The following CSMD1 variants were observed in gnomAD, a reference collection of about 807,000 sequenced individuals.
The protein encoded by CSMD1 is CUB and Sushi multiple domains 1, also known as CUB and sushi domain-containing protein 1.
CSMD1 carries 213 observed loss-of-function variants against 417.5 expected under a neutral mutation model. The observed-to-expected ratio is 0.51, with a 90% CI of 0.46 to 0.57. The LOEUF is 0.57. Ranked by LOEUF, CSMD1 falls within the 20% of genes least tolerant of loss-of-function variation. CSMD1 has a pLI of 0.00. For synonymous variants in CSMD1, 2,862 were observed against 1,736.8 expected (o/e 1.65, Z -16.11); for missense variants, 6,923 against 4,529.7 (o/e 1.53, Z -15.17).
chr8:3,850,056 A>T (rs1485452403), intron 5 of CSMD1, among the ~76,000 whole-genome samples: 1 of 152,164 alleles, frequency 6.6e-6, no homozygotes, highest in Non-Finnish European at 1.5e-5. Context: ...TCAGCCTCTC[A>T]AAGTGTTGGG....
intron 29 of CSMD1, among the ~76,000 whole-genome samples, chr8:3,217,227 C>T (rs567220423): frequency 2.0e-5 from 3 of 152,306 alleles, no homozygotes; most frequent in South Asian, 4.1e-4. Context: ...AGGCTGCATG[C>T]AATGGCATCA....
In CSMD1 at chr8:3,897,194, C is replaced by T. The variant is rs530865353; in HGVS notation, c.818+100709G>A. On this transcript the variant is annotated intron_variant, in intron 5 of 69. Transcript: ENST00000635120. ...ACAAGGGTTAGTAGCACAATGGTGT[C>T]AAGAAGTTATCAAAACAAAGGAGTG... Among the ~76,000 whole-genome samples, 64 of 152,214 alleles carry T rather than the reference C, an allele frequency of 4.2e-4. 1 individual carries two copies. The highest frequency in any genetic ancestry group is 7.6e-4 in the Non-Finnish European group (52 of 68,004).
At chr8:3,342,982 T>C (rs977253385) in intron 23 of CSMD1, among the ~76,000 whole-genome samples, 6 of 152,120 alleles carry the variant, frequency 3.9e-5, no homozygotes, top group East Asian at 3.9e-4. Flanking sequence ...TATAAGCACA[T>C]GAATTTGTAT....
At position 3,957,391 on chromosome 8, in the gene CSMD1, T is replaced by G. The variant is rs1346514572; in HGVS notation, c.818+40512A>C. On this transcript the variant is annotated intron_variant, in intron 5 of 69. Coordinates refer to ENST00000635120, the MANE Select transcript of CSMD1 (RefSeq NM_033225.6). ...GGCAGGTGTTAAGCATAAAAATATATGTCAGTCTGGGAGCAGTGGCTCCCA... is the reference window on the plus strand; with the variant it reads ...GGCAGGTGTTAAGCATAAAAATATAGGTCAGTCTGGGAGCAGTGGCTCCCA... 2.0e-5 allele frequency among the ~76,000 whole-genome samples: 3 copies of G among 152,174 alleles called. No homozygotes were observed. The East Asian group carries it at 5.8e-4, about 29-fold the overall frequency.
chr8:3,371,501 C>T (rs1809945173), intron 18 of CSMD1, among the ~76,000 whole-genome samples: 1 of 150,880 alleles, frequency 6.6e-6, no homozygotes, highest in Non-Finnish European at 1.5e-5. Context: ...AACATGCCCA[C>T]ATTCTGTGCA....
intron 2 of CSMD1, among the ~76,000 whole-genome samples, chr8:4,554,293 T>A (rs1797997705): frequency 6.6e-6 from 1 of 152,106 alleles, no homozygotes; most frequent in African/African-American, 2.4e-5. Context: ...TGCGTCACGA[T>A]GCCCGGCTAA....
At chr8:3,912,715 G>T (rs762887578) in intron 5 of CSMD1, among the ~76,000 whole-genome samples, 1 of 152,182 alleles carries the variant, frequency 6.6e-6, no homozygotes, top group Admixed American at 6.5e-5. Context: ...CTGATGGGAT[G>T]AAATGTCCAA....
At chr8:3,169,620 G>A (rs1820455611) in intron 37 of CSMD1, among the ~76,000 whole-genome samples, 2 of 152,226 alleles carry the variant, frequency 1.3e-5, no homozygotes, top group Middle Eastern at 3.4e-3. Flanking sequence ...TAATACCACT[G>A]AACTGTACGC....
chr8:4,376,891 T>G (rs138965510), intron 3 of CSMD1, among the ~76,000 whole-genome samples: 1 of 152,316 alleles, frequency 6.6e-6, no homozygotes, highest in African/African-American at 2.4e-5. Flanking sequence ...GACTTGGATT[T>G]TGTATTTTGG....
intron 1 of CSMD1, among the ~76,000 whole-genome samples, chr8:4,707,475 T>C (rs991762935): frequency 6.6e-6 from 1 of 152,072 alleles, no homozygotes; most frequent in African/African-American, 2.4e-5. Flanking sequence ...ACGCCTGAAT[T>C]TTTAGAGGAT....
intron 32 of CSMD1, among the ~76,000 whole-genome samples, chr8:3,201,395 A>T (rs1333205641): frequency 6.6e-6 from 1 of 152,194 alleles, no homozygotes; most frequent in Non-Finnish European, 1.5e-5. Context: ...TATTTTCTGC[A>T]ATCTTAGTAA....
intron 1 of CSMD1, among the ~76,000 whole-genome samples, chr8:4,953,897 C>A (rs1341662032): frequency 6.6e-6 from 1 of 152,092 alleles, no homozygotes; most frequent in African/African-American, 2.4e-5. Flanking sequence ...TTGGACTACC[C>A]AGGAGTAGGG....
chr8:3,610,281 C>G (rs1037783266), intron 8 of CSMD1, among the ~76,000 whole-genome samples: 3 of 152,048 alleles, frequency 2.0e-5, no homozygotes, highest in Non-Finnish European at 2.9e-5. Flanking sequence ...ATCAGTAATT[C>G]CAGCAATTTT....
chr8:3,628,010 T>C (rs939332888), intron 7 of CSMD1, among the ~76,000 whole-genome samples: 2 of 152,166 alleles, frequency 1.3e-5, no homozygotes, highest in Admixed American at 6.5e-5. Flanking sequence ...TGAATTCCTA[T>C]GTAAAAGATT....
At chr8:4,380,571 G>A (rs969957983) in intron 3 of CSMD1, among the ~76,000 whole-genome samples, 4 of 152,170 alleles carry the variant, frequency 2.6e-5, no homozygotes, top group African/African-American at 4.8e-5. Context: ...GATGGGACCC[G>A]TGGATGGAAT....
intron 2 of CSMD1, among the ~76,000 whole-genome samples, chr8:4,421,804 CAGAA>C (rs949726778): frequency 4.7e-4 from 71 of 151,322 alleles, no homozygotes; most frequent in African/African-American, 1.6e-3. Flanking sequence ...CTAAAGCAAA[CAGAA>C]AGCAAAAAAC....
chr8:4,587,256 G>A (rs192834218), intron 2 of CSMD1, among the ~76,000 whole-genome samples: 41 of 152,166 alleles, frequency 2.7e-4, no homozygotes, highest in African/African-American at 9.9e-4. Flanking sequence ...ACTGAAATGA[G>A]TACTGGGAAC....
chr8:4,580,365 C>T (rs928611608), intron 2 of CSMD1, among the ~76,000 whole-genome samples: 14 of 152,092 alleles, frequency 9.2e-5, no homozygotes, highest in African/African-American at 1.9e-4. Context: ...ACATTTTCAT[C>T]GCAGTGTTGA....
At chr8:3,814,591 T>C (rs1433506447) in intron 5 of CSMD1, among the ~76,000 whole-genome samples, 1 of 152,204 alleles carries the variant, frequency 6.6e-6, no homozygotes, top group East Asian at 1.9e-4. Context: ...GGTAAGGCCA[T>C]GGGTGCTGCT....
Sources: allele counts gnomAD v4.1 joint callset (sites outside exome capture counted in the v4.1 genomes callset), GRCh38; gene constraint gnomAD v4.1.1; transcripts MANE v1.5; gene names NCBI Gene and HGNC (gene_info 2026-07-23, HGNC 2026-07-21).